Variants in KANSL1L observed in about 807,000 individuals in gnomAD.
KANSL1L encodes the protein KAT8 regulatory NSL complex subunit 1-like protein.
Under a neutral mutation model 108.6 loss-of-function variants are expected in KANSL1L, and 25 were observed. That is an observed-to-expected ratio of 0.23 (90% CI 0.17 to 0.32). The LOEUF (loss-of-function observed/expected upper bound fraction) is 0.32, where lower values mean the gene tolerates loss of function less well. Ranked by LOEUF, KANSL1L falls within the 10% of genes least tolerant of loss-of-function variation. KANSL1L has a pLI of 1.00. For synonymous variants in KANSL1L, 405 were observed against 395.1 expected (o/e 1.03, Z -0.30); for missense variants, 1,137 against 1,125.7 (o/e 1.01, Z -0.14).
intron 2 of KANSL1L, among the ~76,000 whole-genome samples, chr2:210,135,610 T>C (rs2095166567): frequency 6.6e-6 from 1 of 152,058 alleles, no homozygotes; most frequent in Non-Finnish European, 1.5e-5. Context: ...GGAAATGAAA[T>C]GAAGTACCAG....
chr2:210,034,675 A>G (rs1032967541), intron 8 of KANSL1L, among the ~76,000 whole-genome samples: 2 of 152,328 alleles, frequency 1.3e-5, no homozygotes, highest in African/African-American at 4.8e-5. Context: ...TTGGACTGTG[A>G]GAGTAGTCGA....
intron 5 of KANSL1L, among the ~76,000 whole-genome samples, chr2:210,079,648 A>ATATATATATGTGTGTG (rs1553653242): frequency 5.3e-4 from 8 of 15,200 alleles, no homozygotes; most frequent in South Asian, 3.1e-3. Context: ...ATATATATAT[A>ATATATATATGTGTGTG]TATATATATA....
At chr2:210,108,911 C>T (rs758540271) in intron 3 of KANSL1L, among the ~76,000 whole-genome samples, 1 of 152,158 alleles carries the variant, frequency 6.6e-6, no homozygotes, top group Admixed American at 6.5e-5. Context: ...CACTTCCTAG[C>T]TTTTGTTCCT....
chr2:210,080,542 C>CA (rs2094581342), intron 5 of KANSL1L, among the ~76,000 whole-genome samples: 1 of 151,700 alleles, frequency 6.6e-6, no homozygotes, highest in African/African-American at 2.4e-5. Flanking sequence ...AAAAAATAAA[C>CA]AAACAAAAAT....
At chr2:210,023,221 T>A (rs1188551392) in intron 14 of KANSL1L, 42 bp from the exon 15 acceptor site, 1 of 1,427,998 alleles carries the variant, frequency 7.0e-7, no homozygotes, top group Admixed American at 1.7e-5. Context: ...AACTAACTTG[T>A]TTTGTTTAAA....
chr2:210,127,078 C>T (rs745412662), intron 3 of KANSL1L, among the ~76,000 whole-genome samples: 6 of 151,732 alleles, frequency 4.0e-5, no homozygotes, highest in African/African-American at 9.7e-5. Context: ...AACAAAAAAA[C>T]CCAATGTGGT....
chr2:210,123,123 T>C (rs1320666269), intron 3 of KANSL1L, among the ~76,000 whole-genome samples: 3 of 152,106 alleles, frequency 2.0e-5, no homozygotes, highest in Non-Finnish European at 4.4e-5. Flanking sequence ...AGAGAAAAGC[T>C]TGGAGCTTCC....
rs2094200523 is a variant in KANSL1L, at chr2:210,044,394, G to A, written c.1756-290C>T. On this transcript the variant is annotated intron_variant, in intron 6 of 14. Coordinates refer to ENST00000281772, the MANE Select transcript of KANSL1L (RefSeq NM_152519.4). This position sits in a 1 kb window ranked among gnomAD's most constrained non-coding sequence, Gnocchi z 4.2. ...AGTCTTTGATTATCTAAACATACTAGCTGGGAATGATAACTGTAATTTTTT... is the reference window on the plus strand; with the variant it reads ...AGTCTTTGATTATCTAAACATACTAACTGGGAATGATAACTGTAATTTTTT... Among the ~76,000 whole-genome samples the A allele has an allele frequency of 6.6e-6, 1 of 151,138 alleles. No individual in the cohort carries two copies. The highest frequency in any genetic ancestry group is 6.6e-5 in the Admixed American group (1 of 15,188).
At chr2:210,047,960 A>G (rs1250821208) in intron 6 of KANSL1L, among the ~76,000 whole-genome samples, 2 of 152,186 alleles carry the variant, frequency 1.3e-5, no homozygotes, top group African/African-American at 2.4e-5. Context: ...AAGGTTTTCA[A>G]CCAAATATTT....
At chr2:210,087,349 T>C (rs2094647714) in intron 5 of KANSL1L, among the ~76,000 whole-genome samples, 1 of 152,160 alleles carries the variant, frequency 6.6e-6, no homozygotes, top group Non-Finnish European at 1.5e-5. Context: ...AGAGGCCTTC[T>C]CTCTTACAGA....
intron 1 of KANSL1L, among the ~76,000 whole-genome samples, chr2:210,166,941 T>C (rs1185063275): frequency 6.6e-6 from 1 of 151,990 alleles, no homozygotes; most frequent in African/African-American, 2.4e-5. Flanking sequence ...TTAAACATTA[T>C]CTCTAGACTA....
chr2:210,138,906 C>T (rs918940080), intron 2 of KANSL1L, among the ~76,000 whole-genome samples: 2 of 151,992 alleles, frequency 1.3e-5, no homozygotes, highest in African/African-American at 4.8e-5. Flanking sequence ...CAAGACCAGC[C>T]TGGACAACAT....
intron 1 of KANSL1L, among the ~76,000 whole-genome samples, chr2:210,162,261 A>T (rs1442160093): frequency 2.4e-5 from 2 of 84,568 alleles, no homozygotes; most frequent in African/African-American, 4.6e-5. Flanking sequence ...AATAAAAATT[A>T]AAAAATTAAA....
chr2:210,025,006 C>G, intron 13 of KANSL1L, 98 bp downstream of exon 13: 1 of 746,264 alleles, frequency 1.3e-6, no homozygotes, highest in South Asian at 1.5e-5. Flanking sequence ...GTTACAACAG[C>G]ATGTTTTCCT....
At chr2:210,140,716 A>G (rs1212859616) in intron 2 of KANSL1L, among the ~76,000 whole-genome samples, 2 of 152,172 alleles carry the variant, frequency 1.3e-5, no homozygotes, top group Non-Finnish European at 2.9e-5. Context: ...GATAACAATG[A>G]TATGGAATTT....
At position 210,022,015 on chromosome 2, in the gene KANSL1L, T is replaced by TTTC. The variant is rs1346620996; in HGVS notation, c.*931_*933dup. 6.6e-6 allele frequency: 1 copy of TTTC among 151,742 alleles called. No homozygotes were observed. The highest frequency in any genetic ancestry group is 2.4e-5 in the African/African-American group (1 of 41,312). The allele number at this position is 151,742 out of a possible 1,614,324, so 9.4% of individuals were successfully genotyped here. On this transcript the variant is annotated 3_prime_UTR_variant, in exon 15 of 15. Coordinates refer to ENST00000281772, the MANE Select transcript of KANSL1L (RefSeq NM_152519.4). ...GAAATACAATCATCTTTTTTTTTTT[T>TTTC]TTCAAATTTTATACTGATAGGGCTT...
chr2:210,060,616 G>A (rs985140163), intron 6 of KANSL1L, among the ~76,000 whole-genome samples: 2 of 152,244 alleles, frequency 1.3e-5, no homozygotes, highest in African/African-American at 2.4e-5. Context: ...TGCAAATAGC[G>A]TTCTTCAGAG....
At chr2:210,095,473 T>C (rs1188824214) in intron 5 of KANSL1L, among the ~76,000 whole-genome samples, 3 of 152,142 alleles carry the variant, frequency 2.0e-5, no homozygotes, top group African/African-American at 7.2e-5. Flanking sequence ...TACGAAACAA[T>C]AGACCACGTT....
chr2:210,168,560 T>C (rs13019613), intron 1 of KANSL1L, among the ~76,000 whole-genome samples: 5,418 of 152,156 alleles, frequency 0.036, 114 homozygotes, highest in Non-Finnish European at 0.055. Flanking sequence ...AGTGAAACCT[T>C]TACGTTAATT....
Sources: allele counts gnomAD v4.1 joint callset (sites outside exome capture counted in the v4.1 genomes callset), GRCh38; gene constraint gnomAD v4.1.1; non-coding constraint Gnocchi (gnomAD v3.1); transcripts MANE v1.5; gene names NCBI Gene and HGNC (gene_info 2026-07-23, HGNC 2026-07-21).